LPP: variants seen among roughly 807,000 people sequenced by gnomAD.
LPP encodes lipoma-preferred partner.
LPP carries 38 observed loss-of-function variants against 60.4 expected under a neutral mutation model. The observed-to-expected ratio is 0.63, with a 90% CI of 0.49 to 0.83. The LOEUF is 0.83. LPP is among the 40% of genes least tolerant of loss of function. LPP has a pLI of 0.00. For synonymous variants in LPP, 328 were observed against 290.8 expected, an observed-to-expected ratio of 1.13 and a Z score of -1.30; for missense variants, 902 against 783.6, an observed-to-expected ratio of 1.15 and a Z score of -1.80.
At chr3:188,249,949 G>C in intron 2 of LPP, among the ~76,000 whole-genome samples, 1 of 140,998 alleles carries the variant, frequency 7.1e-6, no homozygotes. Flanking sequence ...TTATATCATT[G>C]CCTCTACCCC....
chr3:188,832,953 T>A (rs1757487060), intron 9 of LPP, among the ~76,000 whole-genome samples: 1 of 152,186 alleles, frequency 6.6e-6, no homozygotes, highest in South Asian at 2.1e-4. Flanking sequence ...GGCAAGTCGA[T>A]AACACTGGAT....
chr3:188,786,912 G>A (rs757079730), intron 9 of LPP, among the ~76,000 whole-genome samples: 4 of 152,186 alleles, frequency 2.6e-5, no homozygotes, highest in Non-Finnish European at 5.9e-5. Context: ...TGTTTGTCAG[G>A]AGTTAGGGAT....
intron 3 of LPP, among the ~76,000 whole-genome samples, chr3:188,342,738 A>C (rs1196327113): frequency 6.6e-6 from 1 of 152,312 alleles, no homozygotes; most frequent in East Asian, 1.9e-4. Context: ...TGTAGGACTT[A>C]GAAAATTTAG....
chr3:188,313,656 A>G (rs1754200908), intron 2 of LPP, among the ~76,000 whole-genome samples: 1 of 148,486 alleles, frequency 6.7e-6, no homozygotes. Flanking sequence ...AAAAAATAAA[A>G]TAAAATAATG....
At chr3:188,504,019 G>A (rs1812736024) in intron 5 of LPP, among the ~76,000 whole-genome samples, 1 of 152,122 alleles carries the variant, frequency 6.6e-6, no homozygotes, top group African/African-American at 2.4e-5. Context: ...ATTTCTTCAA[G>A]TATTGTCCCT....
rs375963918 is a variant in LPP, at chr3:188,374,593, G to A, written c.-9-31519G>A. 6.9e-4 allele frequency among the ~76,000 whole-genome samples: 105 copies of A among 152,272 alleles called. 1 individual carries two copies. In the South Asian group the frequency reaches 0.017, roughly 25 times the overall value. ...GACTGCTGAAGTTGCTTATCAGCTT[G>A]AGGAGATTTTGGGCTGAGATGATGG... On this transcript the variant is annotated intron_variant, in intron 3 of 11. Coordinates refer to ENST00000617246, the MANE Select transcript of LPP (RefSeq NM_001375462.1).
intron 3 of LPP, among the ~76,000 whole-genome samples, chr3:188,371,138 G>A (rs1041778204): frequency 5.3e-5 from 8 of 151,820 alleles, no homozygotes; most frequent in Admixed American, 4.6e-4. Flanking sequence ...ATCTCTTATT[G>A]GGACCAGGTT....
chr3:188,527,787 C>T (rs952283289), intron 6 of LPP, among the ~76,000 whole-genome samples: 1 of 148,664 alleles, frequency 6.7e-6, no homozygotes, highest in Non-Finnish European at 1.5e-5. Context: ...TTCACTCTGT[C>T]ACCCAGGCTG....
At chr3:188,538,703 T>C (rs1294415060) in intron 6 of LPP, among the ~76,000 whole-genome samples, 1 of 152,178 alleles carries the variant, frequency 6.6e-6, no homozygotes, top group Non-Finnish European at 1.5e-5. Context: ...AATTAAAATA[T>C]ATGACCACAC....
chr3:188,522,648 A>G (rs192133997), intron 5 of LPP, among the ~76,000 whole-genome samples: 9 of 152,042 alleles, frequency 5.9e-5, no homozygotes, highest in African/African-American at 1.9e-4. Context: ...AGAAAAATAC[A>G]CATGGTGGCA....
At chr3:188,474,436 C>A (rs967011245) in intron 4 of LPP, among the ~76,000 whole-genome samples, 5 of 68,168 alleles carry the variant, frequency 7.3e-5, no homozygotes, top group African/African-American at 1.7e-4. Flanking sequence ...ATGGTTCCCT[C>A]TATAGCCAAA....
Position 188,878,832 on chromosome 3 carries a change from G to A in LPP, c.*4353G>A, listed in dbSNP as rs778832869. 64 of 208,434 alleles carry A rather than the reference G, an allele frequency of 3.1e-4. No homozygotes were observed. Among genetic ancestry groups the A allele is most frequent in the Non-Finnish European group, 5.8e-5 (6 of 102,766 alleles). 12.9% of individuals were successfully genotyped at this position (208,434 alleles called of 1,614,324 possible). ...CTTTTCATCTTAATATATTCTAGTA[G>A]TATTTATTTTTTCCTTGTCTTGGAA... On this transcript the variant is annotated 3_prime_UTR_variant, in exon 12 of 12. Transcript: ENST00000617246.
chr3:188,541,176 AAAGCATGT>A (rs1382586114), intron 6 of LPP, among the ~76,000 whole-genome samples: 1 of 152,088 alleles, frequency 6.6e-6, no homozygotes, highest in Non-Finnish European at 1.5e-5. Flanking sequence ...CCCAGACGCT[AAAGCATGT>A]AAAGCAATAG....
chr3:188,808,628 C>T (rs1197624455), intron 9 of LPP, among the ~76,000 whole-genome samples: 1 of 152,076 alleles, frequency 6.6e-6, no homozygotes, highest in Non-Finnish European at 1.5e-5. Context: ...CTGAAGCCTG[C>T]ACCACAACAG....
chr3:188,530,314 C>T (rs1821825994), intron 6 of LPP, among the ~76,000 whole-genome samples: 1 of 152,190 alleles, frequency 6.6e-6, no homozygotes, highest in South Asian at 2.1e-4. Flanking sequence ...AAAAATCCTC[C>T]ATGACGCTGC....
At chr3:188,606,036 G>C (rs1842318966) in intron 6 of LPP, among the ~76,000 whole-genome samples, 1 of 152,130 alleles carries the variant, frequency 6.6e-6, no homozygotes, top group Admixed American at 6.6e-5. Context: ...GTACTCTGTT[G>C]AGAGACACTG....
intron 4 of LPP, among the ~76,000 whole-genome samples, chr3:188,414,158 G>C (rs1433456644): frequency 1.3e-5 from 2 of 151,894 alleles, no homozygotes; most frequent in Non-Finnish European, 2.9e-5. Flanking sequence ...GATAACATTT[G>C]TGAAATAAAA....
At chr3:188,690,424 G>T (rs1861853918) in intron 7 of LPP, among the ~76,000 whole-genome samples, 1 of 151,988 alleles carries the variant, frequency 6.6e-6, no homozygotes, top group Admixed American at 6.6e-5. Flanking sequence ...TGTTTCAAGG[G>T]GTCTGCTCCC....
At chr3:188,465,119 G>A (rs953122904) in intron 4 of LPP, among the ~76,000 whole-genome samples, 7 of 151,892 alleles carry the variant, frequency 4.6e-5, no homozygotes. Context: ...ATATTCTCTG[G>A]GAATTTGTTA....
Sources: gnomAD v4.1 joint callset for allele counts (sites outside exome capture counted in the v4.1 genomes callset) on GRCh38, gnomAD v4.1.1 for gene constraint, MANE v1.5 for transcripts, NCBI Gene and HGNC (gene_info 2026-07-23, HGNC 2026-07-21) for gene names.